The following SLC9A8 variants were observed in gnomAD, a reference collection of about 807,000 sequenced individuals.
SLC9A8 encodes the protein sodium/hydrogen exchanger 8.
A neutral mutation model predicts 66.6 loss-of-function variants in SLC9A8; 48 were observed. That is an observed-to-expected ratio of 0.72 (90% CI 0.57 to 0.92). The LOEUF is 0.92. Among genes scored for constraint, SLC9A8 ranks in the 40% least tolerant of loss-of-function variants. SLC9A8 has a pLI of 0.00. For synonymous variants in SLC9A8, 274 were observed against 282.6 expected (o/e 0.97, Z 0.31); for missense variants, 599 against 747.3 (o/e 0.80, Z 2.31).
intron 3 of SLC9A8, among the ~76,000 whole-genome samples, chr20:49,823,530 C>T (rs1317334006): frequency 6.6e-6 from 1 of 152,210 alleles, no homozygotes; most frequent in Non-Finnish European, 1.5e-5. Context: ...ACAGAAGGGA[C>T]TCTGACTTTA....
At chr20:49,862,098 G>T (rs868016945) in intron 8 of SLC9A8, among the ~76,000 whole-genome samples, 1 of 130,540 alleles carries the variant, frequency 7.7e-6, no homozygotes, top group Non-Finnish European at 1.6e-5. Flanking sequence ...CCACCGCTGC[G>T]TTTTAGCTGC....
Position 49,890,446 on chromosome 20 carries a change from A to C in SLC9A8, c.*2510A>C, listed in dbSNP as rs2090015051. ...TTCTGGGTCTAGGCCATGGTACAGG[A>C]GAACTGTGGCGTGTAGGAGGAATAC... On this transcript the variant is annotated 3_prime_UTR_variant, in exon 16 of 16. Coordinates refer to ENST00000361573, the MANE Select transcript of SLC9A8 (RefSeq NM_015266.3). 6.6e-6 allele frequency: 1 copy of C among 152,188 alleles called. No homozygotes were observed. Among genetic ancestry groups the C allele is most frequent in the Non-Finnish European group, 1.5e-5 (1 of 68,044 alleles). 9.4% of individuals were successfully genotyped at this position (152,188 alleles called of 1,614,324 possible). A position where few individuals can be genotyped will look rare whatever the true frequency, so the allele number is the denominator to read the frequency against.
chr20:49,821,162 A>C (rs1276950840), intron 2 of SLC9A8, among the ~76,000 whole-genome samples: 2 of 152,182 alleles, frequency 1.3e-5, no homozygotes, highest in African/African-American at 4.8e-5. Context: ...CTTTCTGTTA[A>C]TAGTTTCCCC....
At chr20:49,816,742 T>TA (rs1568782698) in intron 2 of SLC9A8, among the ~76,000 whole-genome samples, 1 of 152,010 alleles carries the variant, frequency 6.6e-6, no homozygotes, top group African/African-American at 2.4e-5. Context: ...TCTTTTTTTT[T>TA]TCTTGAGATG....
chr20:49,826,679 G>A (rs772764295), intron 3 of SLC9A8, among the ~76,000 whole-genome samples: 1 of 152,102 alleles, frequency 6.6e-6, no homozygotes, highest in African/African-American at 2.4e-5. Flanking sequence ...GCCCCTGTTC[G>A]AAGCTTTCAG....
Position 49,858,340 on chromosome 20 carries a change from G to T in SLC9A8, c.713+2759G>T, listed in dbSNP as rs1489221700. On this transcript the variant is annotated intron_variant, in intron 8 of 15. Transcript: ENST00000361573. ...AATGGCAGTATTTTTTCTTATTTAA[G>T]ATCTACTCTGAAAGCTGCCTAGCAT... Among the ~76,000 whole-genome samples, 19 of 150,322 alleles carry T rather than the reference G, an allele frequency of 1.3e-4. No homozygotes were observed. In the Admixed American group the frequency reaches 1.3e-3, roughly 10 times the overall value.
At chr20:49,882,957 G>A (rs1017518572) in intron 13 of SLC9A8, among the ~76,000 whole-genome samples, 1 of 151,718 alleles carries the variant, frequency 6.6e-6, no homozygotes, top group African/African-American at 2.4e-5. Flanking sequence ...GAGCCTCCCC[G>A]CTTTCCTGTC....
intron 12 of SLC9A8, among the ~76,000 whole-genome samples, chr20:49,878,296 A>G (rs1164022733): frequency 6.6e-6 from 1 of 152,088 alleles, no homozygotes; most frequent in Non-Finnish European, 1.5e-5. Flanking sequence ...TTGTTTTTTA[A>G]GATTTTTAAT....
intron 3 of SLC9A8, chr20:49,829,777 G>A: frequency 1.8e-6 from 1 of 541,364 alleles, no homozygotes; most frequent in Non-Finnish European, 3.7e-6. Context: ...TAATTCCAGT[G>A]AGGAGAGAAG....
rs1568883508 is a variant in SLC9A8 at position 49,884,246 on chromosome 20, C to CACG, written c.1491+182_1491+183insGAC. Reference sequence around the variant, plus strand: ...CACACACACACACACACACACGACACACACACACACACGACACACACACAC... The same window carrying CACG: ...CACACACACACACACACACACGACACACGACACACACACACGACACACACACAC... On this transcript the variant is annotated intron_variant, in intron 14 of 15. Transcript: ENST00000361573. 2.0e-4 allele frequency: 71 copies of CACG among 356,280 alleles called. 3 individuals carry two copies. In the Admixed American group the frequency reaches 2.2e-3, roughly 11 times the overall value. 22.1% of individuals were successfully genotyped at this position (356,280 alleles called of 1,614,324 possible). A position where few individuals can be genotyped will look rare whatever the true frequency, so the allele number is the denominator to read the frequency against.
chr20:49,886,817 C>T lies in SLC9A8; in HGVS notation c.1557C>T (p.Ile519=), dbSNP rs2089908888. The T allele has an allele frequency of 3.7e-6, 6 of 1,614,170 alleles. No individual in the cohort carries two copies. Among genetic ancestry groups the T allele is most frequent in the Non-Finnish European group, 5.1e-6 (6 of 1,179,988 alleles). ...LTEEEYEAHY[I]RRQDLKGFVW... is the part of the protein sequence containing the mutation. Reference sequence around the variant, plus strand: ...AGGAGGAGTACGAGGCCCACTACATCAGGCGGCAGGACCTTAAGGGCTTCG... The same window carrying T: ...AGGAGGAGTACGAGGCCCACTACATTAGGCGGCAGGACCTTAAGGGCTTCG... Residue 519 remains isoleucine (I), a synonymous_variant, in exon 15 of 16, where the codon ATC becomes ATT. Coordinates refer to ENST00000361573, the MANE Select transcript of SLC9A8 (RefSeq NM_015266.3). The surrounding 1 kb of genome is among the most constrained non-coding windows in gnomAD (Gnocchi z 4.8).
At chr20:49,883,728 AG>A (rs1319097671) in intron 13 of SLC9A8, 117 bp from the exon 14 acceptor site, 2 of 749,410 alleles carry the variant, frequency 2.7e-6, no homozygotes, top group Non-Finnish European at 4.3e-6. Context: ...ACTCTTCAGC[AG>A]GGCCATTAGA....
At chr20:49,884,412 T>G (rs1029190011) in intron 14 of SLC9A8, among the ~76,000 whole-genome samples, 2 of 151,442 alleles carry the variant, frequency 1.3e-5, no homozygotes, top group African/African-American at 2.4e-5. Context: ...TGGGGGTGTC[T>G]GGTGGCCTTG....
Position 49,892,038 on chromosome 20 carries a change from G to GT in SLC9A8, c.*4105dup, listed in dbSNP as rs1235321813. 1 of 151,720 alleles carries GT rather than the reference G, an allele frequency of 6.6e-6. No homozygotes were observed. The highest frequency in any genetic ancestry group is 2.4e-5 in the African/African-American group (1 of 41,178). The allele number at this position is 151,720 out of a possible 1,614,324, so 9.4% of individuals were successfully genotyped here. On this transcript the variant is annotated 3_prime_UTR_variant, in exon 16 of 16. Transcript: ENST00000361573. Reference sequence around the variant, plus strand: ...TGCAAGAGGCCCCTGTTAGGCCCCTGTTTCCTGAGCAGTGATGTGCTGCTC... The same window carrying GT: ...TGCAAGAGGCCCCTGTTAGGCCCCTGTTTTCCTGAGCAGTGATGTGCTGCTC...
At chr20:49,849,756 TGG>T in intron 6 of SLC9A8, 76 bp downstream of exon 6, 1 of 1,168,774 alleles carries the variant, frequency 8.6e-7, no homozygotes, top group Non-Finnish European at 1.3e-6. Context: ...GAAGGTGAAA[TGG>T]GGCCACTTTG....
intron 12 of SLC9A8, among the ~76,000 whole-genome samples, chr20:49,880,214 C>T: frequency 7.0e-6 from 1 of 143,492 alleles, no homozygotes; most frequent in East Asian, 2.0e-4. Flanking sequence ...CATTGAGCCA[C>T]AATCACACCA....
At chr20:49,859,435 G>A (rs902379024) in intron 8 of SLC9A8, among the ~76,000 whole-genome samples, 1 of 151,674 alleles carries the variant, frequency 6.6e-6, no homozygotes, top group African/African-American at 2.4e-5. Context: ...TCAGACAGAA[G>A]ATACAGAAAA....
intron 3 of SLC9A8, among the ~76,000 whole-genome samples, chr20:49,837,991 G>C (rs1223512806): frequency 6.6e-6 from 1 of 151,940 alleles, no homozygotes; most frequent in African/African-American, 2.4e-5. Context: ...CAAGTAGTAG[G>C]ATGATACATT....
intron 13 of SLC9A8, among the ~76,000 whole-genome samples, chr20:49,883,474 C>G (rs2089707351): frequency 6.6e-6 from 1 of 152,204 alleles, no homozygotes; most frequent in African/African-American, 2.4e-5. Context: ...CAGTGATGCT[C>G]TGCACACTGA....
Sources: allele counts gnomAD v4.1 joint callset (sites outside exome capture counted in the v4.1 genomes callset), GRCh38; gene constraint gnomAD v4.1.1; non-coding constraint Gnocchi (gnomAD v3.1); transcripts MANE v1.5; gene names NCBI Gene and HGNC (gene_info 2026-07-23, HGNC 2026-07-21).